Variants in PEX14 observed in about 807,000 individuals in gnomAD.
PEX14 encodes peroxisomal membrane protein PEX14.
A neutral mutation model predicts 49.5 loss-of-function variants in PEX14; 15 were observed. The observed-to-expected ratio is 0.30, with a 90% CI of 0.20 to 0.47. The LOEUF is 0.47. PEX14 is among the 20% of genes least tolerant of loss of function. The probability of loss-of-function intolerance (pLI) is 1.00; values close to 1 mark genes in which losing one functional copy is unlikely to be tolerated. For synonymous variants in PEX14, 210 were observed against 212.7 expected (o/e 0.99, Z 0.11); for missense variants, 398 against 494.8 (o/e 0.80, Z 1.86).
chr1:10,515,416 G>A (rs190734668), intron 2 of PEX14, among the ~76,000 whole-genome samples: 5 of 152,240 alleles, frequency 3.3e-5, no homozygotes, highest in East Asian at 3.9e-4. Context: ...ATTTGAGGCC[G>A]AGGCTGTTCT....
chr1:10,619,729 C>T (rs1641536995), intron 5 of PEX14, among the ~76,000 whole-genome samples: 1 of 152,168 alleles, frequency 6.6e-6, no homozygotes, highest in African/African-American at 2.4e-5. Context: ...TGATGTAATA[C>T]AAAAGCTAAT....
At chr1:10,475,055 G>A (rs1641169349) in intron 1 of PEX14, 53 bp downstream of exon 1, 5 of 1,546,378 alleles carry the variant, frequency 3.2e-6, no homozygotes, top group South Asian at 1.2e-5. Flanking sequence ...GCTGGAGGGG[G>A]CGCTCAGCAT....
At chr1:10,594,341 C>A (rs1265275302) in intron 3 of PEX14, among the ~76,000 whole-genome samples, 1 of 152,010 alleles carries the variant, frequency 6.6e-6, no homozygotes, top group Non-Finnish European at 1.5e-5. Flanking sequence ...AGAGGTGACC[C>A]CCTCTCAGTG....
In PEX14 at chr1:10,613,626, C is replaced by T. The variant is rs973187060; in HGVS notation, c.299-4706C>T. 5.3e-5 allele frequency among the ~76,000 whole-genome samples: 8 copies of T among 152,186 alleles called. No individual in the cohort carries two copies. Among genetic ancestry groups the T allele is most frequent in the African/African-American group, 1.4e-4 (6 of 41,444 alleles). ...TGGTACTGGTGAGGAACCCCTGCCA[C>T]GCAGCTAGGGCGCCGGTCCTTAGAC... On this transcript the variant is annotated intron_variant, in intron 4 of 8. Transcript: ENST00000356607. The surrounding 1 kb of genome is among the most constrained non-coding windows in gnomAD (Gnocchi z 5.0).
chr1:10,486,669 GA>G (rs1432344629), intron 1 of PEX14, among the ~76,000 whole-genome samples: 1 of 147,926 alleles, frequency 6.8e-6, no homozygotes, highest in African/African-American at 2.5e-5. Flanking sequence ...CAGGCTGGCT[GA>G]AAGATGGAGA....
At chr1:10,543,071 G>A (rs1639064601) in intron 3 of PEX14, among the ~76,000 whole-genome samples, 1 of 152,256 alleles carries the variant, frequency 6.6e-6, no homozygotes, top group African/African-American at 2.4e-5. Flanking sequence ...ACAAATTGCG[G>A]TTAACACTTA....
At chr1:10,513,555 G>T (rs752446280) in intron 2 of PEX14, among the ~76,000 whole-genome samples, 2 of 152,134 alleles carry the variant, frequency 1.3e-5, no homozygotes, top group African/African-American at 2.4e-5. Context: ...AGTGTCCCTC[G>T]CAGGTTCCCT....
chr1:10,565,298 T>C (rs890428190), intron 3 of PEX14, among the ~76,000 whole-genome samples: 7 of 152,242 alleles, frequency 4.6e-5, no homozygotes, highest in African/African-American at 1.4e-4. Flanking sequence ...TTTATGCTTG[T>C]GTAAAGTGGG....
At chr1:10,520,836 G>A (rs752317271) in intron 2 of PEX14, among the ~76,000 whole-genome samples, 3 of 152,156 alleles carry the variant, frequency 2.0e-5, no homozygotes, top group Non-Finnish European at 4.4e-5. Context: ...GTACAGGGCA[G>A]CGTTAAATGA....
chr1:10,555,370 G>T (rs959157976), intron 3 of PEX14, among the ~76,000 whole-genome samples: 2 of 152,042 alleles, frequency 1.3e-5, no homozygotes, highest in Admixed American at 1.3e-4. Flanking sequence ...TACAGAGTCG[G>T]GGGGAGAGAT....
intron 1 of PEX14, among the ~76,000 whole-genome samples, chr1:10,477,123 T>G (rs896644630): frequency 6.6e-6 from 1 of 151,124 alleles, no homozygotes; most frequent in African/African-American, 2.4e-5. Flanking sequence ...CAGGCTGGAG[T>G]GCAGTGGCGC....
chr1:10,598,411 G>A (rs1481588820), intron 3 of PEX14, among the ~76,000 whole-genome samples: 1 of 152,204 alleles, frequency 6.6e-6, no homozygotes, highest in Non-Finnish European at 1.5e-5. Context: ...TATCCCAGCT[G>A]TGTCCCCACT....
intron 3 of PEX14, among the ~76,000 whole-genome samples, chr1:10,551,781 T>G (rs868070612): frequency 6.6e-6 from 1 of 152,184 alleles, no homozygotes; most frequent in Non-Finnish European, 1.5e-5. Flanking sequence ...TGCAAACTAA[T>G]TTTAATGTTA....
intron 2 of PEX14, chr1:10,535,990 G>A: frequency 1.9e-6 from 1 of 531,452 alleles, no homozygotes; most frequent in Non-Finnish European, 3.4e-6. Context: ...GCTCGGCAGA[G>A]GGATTAGATT....
At position 10,629,781 on chromosome 1, in the gene PEX14, C is replaced by G; in HGVS notation, c.928C>G (p.Arg310Gly). The part of the protein sequence containing the change: ...EGVVDVKGQV[R>G]MEVQGEEEKR... ...GGTGGTGGACGTCAAGGGCCAGGTG[C>G]GGATGGAGGTGCAAGGCGAGGAGGA... The change falls in exon 9 of 9, where the codon CGG becomes GGG. Residue 310 changes from arginine to glycine, a missense_variant. Coordinates refer to ENST00000356607, the MANE Select transcript of PEX14 (RefSeq NM_004565.3). The surrounding 1 kb of genome is among the most constrained non-coding windows in gnomAD (Gnocchi z 8.5). 1 of 1,578,000 alleles carries G rather than the reference C, an allele frequency of 6.3e-7. No homozygotes were observed. The highest frequency in any genetic ancestry group is 1.1e-5 in the South Asian group (1 of 88,184).
At chr1:10,476,585 G>T (rs1176613432) in intron 1 of PEX14, among the ~76,000 whole-genome samples, 2 of 151,888 alleles carry the variant, frequency 1.3e-5, no homozygotes, top group South Asian at 4.2e-4. Context: ...ACTGCCTCCC[G>T]GGTTCGAGCA....
intron 3 of PEX14, among the ~76,000 whole-genome samples, chr1:10,577,582 T>A (rs1340059930): frequency 0.056 from 987 of 17,534 alleles, 90 homozygotes; most frequent in Non-Finnish European, 0.07. Flanking sequence ...TTTTTTTTTT[T>A]TTTTTTTTTT....
At chr1:10,526,570 A>T (rs1638490133) in intron 2 of PEX14, among the ~76,000 whole-genome samples, 1 of 152,182 alleles carries the variant, frequency 6.6e-6, no homozygotes, top group Non-Finnish European at 1.5e-5. Context: ...TGTTTAGGCC[A>T]TAAAAGAATC....
chr1:10,504,741 CTTTA>C (rs1641750597), intron 2 of PEX14, among the ~76,000 whole-genome samples: 1 of 150,328 alleles, frequency 6.7e-6, no homozygotes, highest in African/African-American at 2.4e-5. Context: ...CCTTTCCTTT[CTTTA>C]TTTTCTTTCT....
Sources: gnomAD v4.1 joint callset for allele counts (sites outside exome capture counted in the v4.1 genomes callset) on GRCh38, gnomAD v4.1.1 for gene constraint, Gnocchi (gnomAD v3.1) non-coding constraint, MANE v1.5 for transcripts, NCBI Gene and HGNC (gene_info 2026-07-23, HGNC 2026-07-21) for gene names.